Variants in BCAT2 observed in about 807,000 individuals in gnomAD.
BCAT2 encodes the protein branched chain amino acid transaminase 2.
A neutral mutation model predicts 52.9 loss-of-function variants in BCAT2; 44 were observed. The ratio of observed to expected loss-of-function variants is 0.83; its 90% CI spans 0.65 to 1.07. The LOEUF is 1.07. Ranked by LOEUF, BCAT2 falls within the 50% of genes least tolerant of loss-of-function variation. BCAT2 has a pLI of 0.00. For synonymous variants in BCAT2, 215 were observed against 217.1 expected (o/e 0.99, Z 0.08); for missense variants, 478 against 521.8 (o/e 0.92, Z 0.82).
chr19:48,800,764 A>G (rs980890433), intron 3 of BCAT2, among the ~76,000 whole-genome samples: 1 of 151,656 alleles, frequency 6.6e-6, no homozygotes, highest in Non-Finnish European at 1.5e-5. Context: ...AGCCACGATC[A>G]TGCCACTGCA....
In BCAT2 at chr19:48,799,996, C is replaced by G; in HGVS notation, c.516G>C (p.Val172=). 6.2e-7 allele frequency: 1 copy of G among 1,613,864 alleles called. No homozygotes were observed. Among genetic ancestry groups the G allele is most frequent in the Non-Finnish European group, 8.5e-7 (1 of 1,179,860 alleles). Residue 172 remains valine (V), a synonymous_variant, in exon 5 of 11, where the codon GTG becomes GTC. Coordinates refer to ENST00000316273, the MANE Select transcript of BCAT2 (RefSeq NM_001190.4). The surrounding 1 kb of genome is among the most constrained non-coding windows in gnomAD (Gnocchi z 5.5). ...AAGTSLYVRP[V]LIGNEPSLGV... Reference sequence around the variant, plus strand: ...TTGGGCCCACCTCGTTCCCAATGAGCACAGGCCGCACATAGAGGCTGGTGC... The same window carrying G: ...TTGGGCCCACCTCGTTCCCAATGAGGACAGGCCGCACATAGAGGCTGGTGC...
chr19:48,797,089 C>A (rs2034541665), intron 7 of BCAT2, 67 bp from the exon 8 acceptor site: 10 of 1,608,430 alleles, frequency 6.2e-6, no homozygotes, highest in East Asian at 2.2e-5. Flanking sequence ...TTAAGAGCCA[C>A]CCCCTTCCCC....
chr19:48,810,889 G>A (rs890287994), intron 1 of BCAT2, 95 bp downstream of exon 1: 6 of 1,550,680 alleles, frequency 3.9e-6, no homozygotes, highest in Non-Finnish European at 5.2e-6. Context: ...CGGGAGGAGC[G>A]GCGCCGAGTC....
In BCAT2 at chr19:48,797,280, T is replaced by C; in HGVS notation, c.749A>G (p.Glu250Gly). 6.2e-7 allele frequency: 1 copy of C among 1,614,092 alleles called. No individual in the cohort carries two copies. The highest frequency in any genetic ancestry group is 8.5e-7 in the Non-Finnish European group (1 of 1,180,002). Reference sequence around the variant, plus strand: ...GGGCCCATACAGCCAGAGGACCTGTTCACAGCCCCGCTTGAGTGCCTCCTG... The same window carrying C: ...GGGCCCATACAGCCAGAGGACCTGTCCACAGCCCCGCTTGAGTGCCTCCTG... Reference protein sequence around the residue: ...VQQEALKRGCEQVLWLYGPDH... With the variant: ...VQQEALKRGCGQVLWLYGPDH... Residue 250 changes from glutamate to glycine, a missense_variant, in exon 7 of 11, where the codon GAA (glutamate) becomes GGA (glycine). By Grantham distance (98) the Glu-to-Gly change is moderately conservative. Transcript: ENST00000316273.
At chr19:48,802,369 T>G (rs1211435617) in intron 3 of BCAT2, among the ~76,000 whole-genome samples, 1 of 151,316 alleles carries the variant, frequency 6.6e-6, no homozygotes, top group African/African-American at 2.4e-5. Flanking sequence ...GACCTACAGT[T>G]CCCGAAATTG....
In BCAT2 at chr19:48,797,514, G is replaced by A. The variant is rs191006214; in HGVS notation, c.696-181C>T. 5.4e-5 allele frequency: 36 copies of A among 666,088 alleles called. No homozygotes were observed. In the Admixed American group the frequency reaches 5.6e-4, roughly 10 times the overall value. 41.3% of individuals were successfully genotyped at this position (666,088 alleles called of 1,614,324 possible). A position where few individuals can be genotyped will look rare whatever the true frequency, so the allele number is the denominator to read the frequency against. Reference sequence around the variant, plus strand: ...TGGCATCAGGACCCTAAATGGTTATGTCCCCTCTCTCCTGTCTCTTCCCAC... The same window carrying A: ...TGGCATCAGGACCCTAAATGGTTATATCCCCTCTCTCCTGTCTCTTCCCAC... On this transcript the variant is annotated intron_variant, in intron 6 of 10. Transcript: ENST00000316273.
Position 48,799,507 on chromosome 19 carries a change from T to G in BCAT2, c.695+168A>C. On this transcript the variant is annotated intron_variant, in intron 6 of 10. Coordinates refer to ENST00000316273, the MANE Select transcript of BCAT2 (RefSeq NM_001190.4). This position sits in a 1 kb window ranked among gnomAD's most constrained non-coding sequence, Gnocchi z 5.5. ...AATAATCCCCTCCTCCTTCCTTCCA[T>G]GGTTTGTTTTCAGGGACCAGGGAGG... 3.7e-6 allele frequency: 3 copies of G among 821,770 alleles called. No individual in the cohort carries two copies. The highest frequency in any genetic ancestry group is 5.2e-6 in the Non-Finnish European group (3 of 572,124). 50.9% of individuals were successfully genotyped at this position (821,770 alleles called of 1,614,324 possible). A position where few individuals can be genotyped will look rare whatever the true frequency, so the allele number is the denominator to read the frequency against.
intron 10 of BCAT2, among the ~76,000 whole-genome samples, chr19:48,795,688 A>G (rs1020531781): frequency 1.3e-5 from 2 of 152,158 alleles, no homozygotes; most frequent in Non-Finnish European, 1.5e-5. Flanking sequence ...AATTATGGCC[A>G]GGCCTCTAAG....
In BCAT2 at chr19:48,800,017, G is replaced by A; in HGVS notation, c.495C>T (p.Thr165=). Residue 165 remains threonine (T), a synonymous_variant, in exon 5 of 11, where the codon ACC becomes ACT. Coordinates refer to ENST00000316273, the MANE Select transcript of BCAT2 (RefSeq NM_001190.4). ...DKDWVPDAAG[T]SLYVRPVLIG... ...TGAGCACAGGCCGCACATAGAGGCT[G>A]GTGCCGGCGGCATCGGGGACCCAGT... is the stretch of plus-strand genomic sequence containing the variant. The A allele has an allele frequency of 6.2e-7, 1 of 1,613,522 alleles. No homozygotes were observed. The highest frequency in any genetic ancestry group is 8.5e-7 in the Non-Finnish European group (1 of 1,179,876).
chr19:48,806,832 G>A (rs1411243427), intron 2 of BCAT2, 115 bp from the exon 3 acceptor site: 1 of 1,425,302 alleles, frequency 7.0e-7, no homozygotes, highest in Non-Finnish European at 9.8e-7. Flanking sequence ...TGTCACCCTG[G>A]AGGATTCTGG....
In BCAT2 at chr19:48,796,580, T is replaced by C. The variant is rs1194818729; in HGVS notation, c.1063A>G (p.Arg355Gly). ...CPVHRILYKD[R>G]NLHIPTMENG... Reference sequence around the variant, plus strand: ...CCACAATGGCAGCCCCGCCTCACCCTGTCTTTGTACAGGATTCGGTGCACT... The same window carrying C: ...CCACAATGGCAGCCCCGCCTCACCCCGTCTTTGTACAGGATTCGGTGCACT... Residue 355 changes from arginine (R) to glycine (G), a missense_variant and splice_region_variant, in exon 9 of 11, where the codon AGG becomes GGG. Transcript: ENST00000316273. The C allele has an allele frequency of 1.2e-5, 17 of 1,471,862 alleles. No homozygotes were observed. The East Asian group carries it at 3.8e-4, about 32-fold the overall frequency. 91.2% of individuals were successfully genotyped at this position (1,471,862 alleles called of 1,614,324 possible). A position where few individuals can be genotyped will look rare whatever the true frequency, so the allele number is the denominator to read the frequency against.
Position 48,799,664 on chromosome 19 carries a change from G to C in BCAT2, c.695+11C>G, listed in dbSNP as rs2034609568. 6.4e-7 allele frequency: 1 copy of C among 1,562,220 alleles called. No individual in the cohort carries two copies. The highest frequency in any genetic ancestry group is 2.3e-5 in the East Asian group (1 of 44,058). Reference sequence around the variant, plus strand: ...TGCGCCAGTCGTTCTGGGGATGGGGGTGCTACTTACCCACCTAACTTGTAG... The same window carrying C: ...TGCGCCAGTCGTTCTGGGGATGGGGCTGCTACTTACCCACCTAACTTGTAG... On this transcript the variant is annotated intron_variant, in intron 6 of 10. Transcript: ENST00000316273. This position sits in a 1 kb window ranked among gnomAD's most constrained non-coding sequence, Gnocchi z 5.5.
In BCAT2 at chr19:48,810,823, G is replaced by C. The variant is rs563058187; in HGVS notation, c.24+161C>G. 1.2e-3 allele frequency: 1,705 copies of C among 1,455,828 alleles called. 1 individual carries two copies. Among genetic ancestry groups the C allele is most frequent in the Non-Finnish European group, 1.4e-3 (1,527 of 1,105,954 alleles). The allele number at this position is 1,455,828 out of a possible 1,614,324, so 90.2% of individuals were successfully genotyped here. On this transcript the variant is annotated intron_variant, in intron 1 of 10. Coordinates refer to ENST00000316273, the MANE Select transcript of BCAT2 (RefSeq NM_001190.4). ...CTCCCCCTCACCCCATTAAAGCCTC[G>C]TGCTCCTTTCCAAAGGGCGCCATCC...
At chr19:48,806,146 C>A (rs1284900402) in intron 3 of BCAT2, among the ~76,000 whole-genome samples, 1 of 136,732 alleles carries the variant, frequency 7.3e-6, no homozygotes, top group Non-Finnish European at 1.6e-5. Flanking sequence ...CCTTTCCTAC[C>A]ATCACCCTGT....
intron 10 of BCAT2, 82 bp from the exon 11 acceptor site, chr19:48,795,546 C>G (rs2034488159): frequency 5.3e-6 from 8 of 1,520,828 alleles, no homozygotes; most frequent in African/African-American, 1.4e-5. Context: ...AGGCCGAGTG[C>G]CTACGGAGCT....
chr19:48,807,174 C>T lies in BCAT2; in HGVS notation c.25-100G>A. ...TGCACTTGGAGGTCCCACTGGCCTG[C>T]CTGTTCTGTCCCAGTTTCAGTCCAT... On this transcript the variant is annotated intron_variant, in intron 1 of 10. Coordinates refer to ENST00000316273, the MANE Select transcript of BCAT2 (RefSeq NM_001190.4). This position sits in a 1 kb window ranked among gnomAD's most constrained non-coding sequence, Gnocchi z 4.6. 1.0e-6 allele frequency: 1 copy of T among 978,052 alleles called. No homozygotes were observed. The highest frequency in any genetic ancestry group is 1.5e-6 in the Non-Finnish European group (1 of 652,526). The allele number at this position is 978,052 out of a possible 1,614,324, so 60.6% of individuals were successfully genotyped here. A position where few individuals can be genotyped will look rare whatever the true frequency, so the allele number is the denominator to read the frequency against.
chr19:48,802,065 A>T (rs927375399), intron 3 of BCAT2, among the ~76,000 whole-genome samples: 2 of 152,084 alleles, frequency 1.3e-5, no homozygotes, highest in Non-Finnish European at 2.9e-5. Context: ...TTTAAAACCT[A>T]ACCTGATAGA....
chr19:48,810,451 A>T (rs1414499823), intron 1 of BCAT2, among the ~76,000 whole-genome samples: 1 of 152,192 alleles, frequency 6.6e-6, no homozygotes, highest in Non-Finnish European at 1.5e-5. Flanking sequence ...TCGATTTCCA[A>T]TCCAGGTGCA....
chr19:48,795,395 G>T lies in BCAT2; in HGVS notation c.*31C>A, dbSNP rs530773752. 83 of 1,613,770 alleles carry T rather than the reference G, an allele frequency of 5.1e-5. No individual in the cohort carries two copies. Among genetic ancestry groups the T allele is most frequent in the Non-Finnish European group, 2.1e-5 (25 of 1,179,918 alleles). On this transcript the variant is annotated 3_prime_UTR_variant, in exon 11 of 11. Coordinates refer to ENST00000316273, the MANE Select transcript of BCAT2 (RefSeq NM_001190.4). The stretch of plus-strand genomic sequence containing the variant: ...AGTGCTGGCGTGACGAGATGCTACG[G>T]GTCGGTGGATCTGGAGCACAGCCTG...
Sources: allele counts gnomAD v4.1 joint callset (sites outside exome capture counted in the v4.1 genomes callset), GRCh38; gene constraint gnomAD v4.1.1; non-coding constraint Gnocchi (gnomAD v3.1); transcripts MANE v1.5; gene names NCBI Gene and HGNC (gene_info 2026-07-23, HGNC 2026-07-21).